MICAL3: variants seen among roughly 807,000 people sequenced by gnomAD.
The protein encoded by MICAL3 is [F-actin]-monooxygenase MICAL3.
In MICAL3, 62 loss-of-function variants were observed where a neutral mutation model predicts 207.4. The observed-to-expected ratio is 0.30, with a 90% CI of 0.24 to 0.37. The LOEUF (loss-of-function observed/expected upper bound fraction) is 0.37, where lower values mean the gene tolerates loss of function less well. Among genes scored for constraint, MICAL3 ranks in the 10% least tolerant of loss-of-function variants. The probability of loss-of-function intolerance (pLI) is 1.00; values close to 1 mark genes in which losing one functional copy is unlikely to be tolerated. For synonymous variants in MICAL3, 1,077 were observed against 1,069.3 expected, an observed-to-expected ratio of 1.01 and a Z score of -0.14; for missense variants, 2,368 against 2,635.6, an observed-to-expected ratio of 0.90 and a Z score of 2.22.
At chr22:18,021,640 C>T (rs1924484417) in intron 1 of MICAL3, among the ~76,000 whole-genome samples, 1 of 152,078 alleles carries the variant, frequency 6.6e-6, no homozygotes, top group African/African-American at 2.4e-5. Context: ...GGGAGTGGGG[C>T]ATGGGAGAGG....
At chr22:17,850,390 T>C (rs1325008106) in intron 19 of MICAL3, among the ~76,000 whole-genome samples, 2 of 148,922 alleles carry the variant, frequency 1.3e-5, no homozygotes, top group Non-Finnish European at 3.0e-5. Flanking sequence ...GAACTTTTGC[T>C]TTTGAATTAG....
At position 17,818,337 on chromosome 22, in the gene MICAL3, T is replaced by C. The variant is rs1379005962; in HGVS notation, c.4324A>G (p.Ser1442Gly). The C allele has an allele frequency of 6.3e-7, 1 of 1,590,316 alleles. No homozygotes were observed. Among genetic ancestry groups the C allele is most frequent in the African/African-American group, 1.3e-5 (1 of 74,538 alleles). ...GAGTCCGAGGTGTTGAAGCTCTGGC[T>C]GCCCAGTGTCTTCATGTTGGAGGAG... ...GSSSNMKTLG[S>G]QSFNTSDSAM... Residue 1442 changes from serine (S) to glycine (G), a missense_variant, in exon 26 of 32, where the codon AGC (serine) becomes GGC (glycine). Physicochemically the swap from Ser to Gly is moderately conservative, Grantham distance 56. Coordinates refer to ENST00000441493, the MANE Select transcript of MICAL3 (RefSeq NM_015241.3).
chr22:17,985,428 CTGCCT>C (rs573649218), intron 1 of MICAL3, among the ~76,000 whole-genome samples: 115 of 152,232 alleles, frequency 7.6e-4, no homozygotes, highest in African/African-American at 2.7e-3. Context: ...CTGGATCTGT[CTGCCT>C]TGCCTTGCAG....
At chr22:17,949,744 G>A (rs1055596818) in intron 1 of MICAL3, among the ~76,000 whole-genome samples, 12 of 152,212 alleles carry the variant, frequency 7.9e-5, no homozygotes, top group African/African-American at 2.7e-4. Flanking sequence ...AACAAAAGAC[G>A]GATCTGTAAA....
At chr22:17,876,409 T>A (rs1397892648) in intron 16 of MICAL3, 1 of 152,380 alleles carries the variant, frequency 6.6e-6, no homozygotes, top group Non-Finnish European at 1.5e-5. Context: ...ACTCCCTACC[T>A]CAGCCACGTG....
chr22:18,010,648 A>G (rs1923658913), intron 1 of MICAL3, among the ~76,000 whole-genome samples: 1 of 152,166 alleles, frequency 6.6e-6, no homozygotes, highest in Non-Finnish European at 1.5e-5. Flanking sequence ...CTTAGCTCCC[A>G]CTGGCAGAAA....
In MICAL3 at chr22:17,901,951, G is replaced by A; in HGVS notation, c.618C>T (p.Pro206=). The change falls in exon 5 of 32, where the codon CCC becomes CCT. Residue 206 remains proline, a synonymous_variant. Transcript: ENST00000441493. ...ERIGWRALVH[P]KTHPVSEYEF... ...CATACTCTGACACAGGATGAGTCTTGGGGTGCACCAGTGCCCGCCAGCCTA... is the reference window on the plus strand; with the variant it reads ...CATACTCTGACACAGGATGAGTCTTAGGGTGCACCAGTGCCCGCCAGCCTA... 6.2e-7 allele frequency: 1 copy of A among 1,613,570 alleles called. No homozygotes were observed. Among genetic ancestry groups the A allele is most frequent in the Non-Finnish European group, 8.5e-7 (1 of 1,179,780 alleles).
intron 19 of MICAL3, 64 bp downstream of exon 19, chr22:17,864,835 T>C (rs905854321): frequency 6.2e-7 from 1 of 1,613,896 alleles, no homozygotes; most frequent in Non-Finnish European, 8.5e-7. Context: ...GCTCATGCCC[T>C]TGGCCTTGTC....
rs1921233540 is a variant in MICAL3 at position 17,818,625 on chromosome 22, T to C, written c.4036A>G (p.Ser1346Gly). Residue 1346 changes from serine (S) to glycine (G), a missense_variant, in exon 26 of 32, where the codon AGC (serine) becomes GGC (glycine). This residue lies in a region of MICAL3 where 1,770 missense variants were observed against 1,863.2 expected (regional missense o/e 0.95). Transcript: ENST00000441493. ...RSLGLTPVDR[S>G]KGPEPSFPTP... ...GGGAAGCTGGGCTCGGGCCCCTTGC[T>C]GCGGTCCACAGGTGTGAGCCCGAGG... 3 of 1,613,482 alleles carry C rather than the reference T, an allele frequency of 1.9e-6. No individual in the cohort carries two copies. Among genetic ancestry groups the C allele is most frequent in the African/African-American group, 2.7e-5 (2 of 74,936 alleles).
intron 1 of MICAL3, among the ~76,000 whole-genome samples, chr22:17,967,695 A>T (rs1042801739): frequency 5.9e-5 from 9 of 151,406 alleles, no homozygotes; most frequent in Non-Finnish European, 1.3e-4. Flanking sequence ...ATCACTTGAG[A>T]CCAGGAATTT....
chr22:17,862,203 G>C, intron 19 of MICAL3: 2 of 985,132 alleles, frequency 2.0e-6, no homozygotes, highest in Non-Finnish European at 2.4e-6. Flanking sequence ...CTGAGCTAAT[G>C]ACTGTTCTCT....
intron 1 of MICAL3, among the ~76,000 whole-genome samples, chr22:17,969,939 G>A (rs763830949): frequency 1.9e-4 from 29 of 152,288 alleles, no homozygotes; most frequent in African/African-American, 6.3e-4. Context: ...TCACGTCCAC[G>A]AAAGCACTGG....
At chr22:17,863,619 T>C in intron 19 of MICAL3, 1 of 985,374 alleles carries the variant, frequency 1.0e-6, no homozygotes, top group Non-Finnish European at 1.2e-6. Flanking sequence ...GCTCAGATGA[T>C]AATAAGGGCA....
At chr22:17,854,473 G>A (rs1925689672) in intron 19 of MICAL3, among the ~76,000 whole-genome samples, 1 of 152,196 alleles carries the variant, frequency 6.6e-6, no homozygotes, top group Non-Finnish European at 1.5e-5. Flanking sequence ...AAGGTGCAAT[G>A]CCTGACCAGC....
At chr22:17,797,625 A>G (rs1226258787) in intron 29 of MICAL3, among the ~76,000 whole-genome samples, 1 of 152,180 alleles carries the variant, frequency 6.6e-6, no homozygotes, top group African/African-American at 2.4e-5. Flanking sequence ...TTCCGACTCA[A>G]TCATTCAATT....
Position 17,853,596 on chromosome 22 carries a change from T to C in MICAL3, c.2605+11303A>G, listed in dbSNP as rs566960166. ...ACTTATGCGCTCTTCACAACAACTTTAGCAGACAGAGGAGCAGGTAGCATT... is the reference window on the plus strand; with the variant it reads ...ACTTATGCGCTCTTCACAACAACTTCAGCAGACAGAGGAGCAGGTAGCATT... On this transcript the variant is annotated intron_variant, in intron 19 of 31. Transcript: ENST00000441493. Among the ~76,000 whole-genome samples the C allele has an allele frequency of 4.6e-5, 7 of 152,374 alleles. No homozygotes were observed. In the South Asian group the frequency reaches 1.4e-3, roughly 32 times the overall value.
chr22:17,914,896 A>G (rs973564815), intron 1 of MICAL3, among the ~76,000 whole-genome samples: 13 of 152,192 alleles, frequency 8.5e-5, no homozygotes, highest in African/African-American at 3.1e-4. Flanking sequence ...AACATTTTCC[A>G]ATCACCTAAT....
chr22:17,916,571 C>T (rs974692871), intron 1 of MICAL3, among the ~76,000 whole-genome samples: 7 of 152,226 alleles, frequency 4.6e-5, no homozygotes, highest in African/African-American at 1.7e-4. Flanking sequence ...TCATCAAGGT[C>T]ATGAATGACT....
intron 19 of MICAL3, among the ~76,000 whole-genome samples, chr22:17,842,879 G>A (rs1924188904): frequency 6.6e-6 from 1 of 152,038 alleles, no homozygotes; most frequent in Non-Finnish European, 1.5e-5. Flanking sequence ...CCCAGCACTT[G>A]GGGAGGCCGA....
Sources: gnomAD v4.1 joint callset for allele counts (sites outside exome capture counted in the v4.1 genomes callset) on GRCh38, gnomAD v4.1.1 for gene constraint, gnomAD v4.1.1 regional missense constraint, MANE v1.5 for transcripts, NCBI Gene and HGNC (gene_info 2026-07-23, HGNC 2026-07-21) for gene names.